TIAM1: variants seen among roughly 807,000 people sequenced by gnomAD.
The protein encoded by TIAM1 is rho guanine nucleotide exchange factor TIAM1.
In TIAM1, 65 loss-of-function variants were observed where a neutral mutation model predicts 163.5. The ratio of observed to expected loss-of-function variants is 0.40; its 90% CI spans 0.33 to 0.49. The LOEUF (loss-of-function observed/expected upper bound fraction) is 0.49, where lower values mean the gene tolerates loss of function less well. TIAM1 is among the 20% of genes least tolerant of loss of function. The pLI is 0.77. For synonymous variants in TIAM1, 833 were observed against 810.1 expected, an observed-to-expected ratio of 1.03 and a Z score of -0.48; for missense variants, 1,789 against 2,044.7, an observed-to-expected ratio of 0.87 and a Z score of 2.41.
At chr21:31,351,746 G>C (rs975256021) in intron 2 of TIAM1, among the ~76,000 whole-genome samples, 18 of 152,136 alleles carry the variant, frequency 1.2e-4, no homozygotes, top group African/African-American at 4.3e-4. Flanking sequence ...AGTTAGGAAA[G>C]CTCTACCCCT....
chr21:31,543,046 G>A (rs2048369734), intron 1 of TIAM1, among the ~76,000 whole-genome samples: 1 of 152,156 alleles, frequency 6.6e-6, no homozygotes, highest in Non-Finnish European at 1.5e-5. Flanking sequence ...TCGGTGCGAT[G>A]TTTTTCTTGG....
In TIAM1 at chr21:31,154,294, G is replaced by A. The variant is rs747060840; in HGVS notation, c.3124C>T (p.Arg1042Cys). Residue 1042 changes from arginine to cysteine, a missense_variant, in exon 17 of 28, where the codon CGC becomes TGC. Physicochemically the swap from Arg to Cys is radical, Grantham distance 180 (BLOSUM62 -3). Coordinates refer to ENST00000541036, the MANE Select transcript of TIAM1 (RefSeq NM_001353694.2). The part of the protein sequence containing the change: ...MRQLSDADKL[R>C]KVICELLETE... Reference sequence around the variant, plus strand: ...TCCAGGAGCTCGCAGATCACCTTGCGCAGCTTATCTGCATCCGAGAGTTGT... The same window carrying A: ...TCCAGGAGCTCGCAGATCACCTTGCACAGCTTATCTGCATCCGAGAGTTGT... 1.1e-5 allele frequency: 17 copies of A among 1,613,962 alleles called. No homozygotes were observed. Among genetic ancestry groups the A allele is most frequent in the African/African-American group, 1.3e-5 (1 of 74,890 alleles).
At chr21:31,351,933 T>C (rs766859688) in intron 2 of TIAM1, among the ~76,000 whole-genome samples, 3 of 151,890 alleles carry the variant, frequency 2.0e-5, no homozygotes, top group Non-Finnish European at 2.9e-5. Flanking sequence ...CCGGGTGTGG[T>C]GGTGTGTGCC....
chr21:31,510,100 A>C (rs2047164655), intron 1 of TIAM1, among the ~76,000 whole-genome samples: 1 of 152,224 alleles, frequency 6.6e-6, no homozygotes, highest in Non-Finnish European at 1.5e-5. Context: ...CCGTAAATGT[A>C]ACTGCATCAG....
At chr21:31,437,802 C>T (rs1195763601) in intron 2 of TIAM1, among the ~76,000 whole-genome samples, 1 of 152,196 alleles carries the variant, frequency 6.6e-6, no homozygotes, top group Non-Finnish European at 1.5e-5. Context: ...GATCCCCCAG[C>T]CATGCTTCCA....
chr21:31,126,003 T>C (rs2082183970), intron 26 of TIAM1, among the ~76,000 whole-genome samples: 1 of 152,182 alleles, frequency 6.6e-6, no homozygotes, highest in African/African-American at 2.4e-5. Context: ...CCATTAAAAG[T>C]AATGGCACTT....
chr21:31,324,078 G>A lies in TIAM1; in HGVS notation c.-189+15165C>T, dbSNP rs146821941. Among the ~76,000 whole-genome samples the A allele has an allele frequency of 7.0e-3, 1,067 of 152,080 alleles. 7 individuals carry two copies. Among genetic ancestry groups the A allele is most frequent in the Middle Eastern group, 0.02 (6 of 294 alleles). On this transcript the variant is annotated intron_variant, in intron 2 of 27. Transcript: ENST00000541036. The stretch of plus-strand genomic sequence containing the variant: ...AGGGAAGAATTGGTGGAGCACAGAG[G>A]ATTTTAGGGCAGTGAAACTATTCTG...
At chr21:31,370,166 C>A (rs1168944463) in intron 2 of TIAM1, among the ~76,000 whole-genome samples, 1 of 152,104 alleles carries the variant, frequency 6.6e-6, no homozygotes, top group Non-Finnish European at 1.5e-5. Flanking sequence ...ATCTAAGTTA[C>A]CCAGATTAGG....
At chr21:31,192,269 A>C (rs2833329) in intron 13 of TIAM1, among the ~76,000 whole-genome samples, 12,258 of 152,224 alleles carry the variant, frequency 0.081, 667 homozygotes, top group Admixed American at 0.19. Context: ...TGCAGAAGGA[A>C]TGTAATATCC....
At chr21:31,211,126 A>C (rs1601568042) in intron 10 of TIAM1, among the ~76,000 whole-genome samples, 1 of 152,198 alleles carries the variant, frequency 6.6e-6, no homozygotes, top group Non-Finnish European at 1.5e-5. Flanking sequence ...AGCAAAAACA[A>C]GCCTCCTTTG....
chr21:31,161,431 T>A (rs1489605415), intron 16 of TIAM1, among the ~76,000 whole-genome samples: 1 of 152,116 alleles, frequency 6.6e-6, no homozygotes, highest in Non-Finnish European at 1.5e-5. Flanking sequence ...TGCTAGACTG[T>A]CCCTGCAGTG....
At chr21:31,229,701 G>C (rs1244214037) in intron 6 of TIAM1, among the ~76,000 whole-genome samples, 2 of 151,822 alleles carry the variant, frequency 1.3e-5, no homozygotes, top group African/African-American at 4.8e-5. Context: ...CCAGGCTGGA[G>C]TGCAGTAGCA....
intron 4 of TIAM1, among the ~76,000 whole-genome samples, chr21:31,265,012 T>C (rs945172701): frequency 3.3e-5 from 5 of 152,126 alleles, no homozygotes; most frequent in Non-Finnish European, 5.9e-5. Context: ...ATTTCTTTCT[T>C]TCTTTCTTTT....
intron 2 of TIAM1, among the ~76,000 whole-genome samples, chr21:31,455,566 T>C (rs573542926): frequency 1.3e-5 from 2 of 152,126 alleles, no homozygotes; most frequent in South Asian, 2.1e-4. Flanking sequence ...GCACCTGCCA[T>C]GACGCCCAGC....
Position 31,354,283 on chromosome 21 carries a change from T to C in TIAM1, c.-368-14861A>G, listed in dbSNP as rs1391224362. On this transcript the variant is annotated intron_variant, in intron 2 of 28. Transcript: ENST00000286827. ...GGACAAATGTGGCAGGCAAGCAACA[T>C]ATTTTAGGGTTTGTCATGAAGCTCC... is the stretch of plus-strand genomic sequence containing the variant. 2.6e-5 allele frequency among the ~76,000 whole-genome samples: 4 copies of C among 152,044 alleles called. No homozygotes were observed. The East Asian group carries it at 7.7e-4, about 29-fold the overall frequency.
chr21:31,528,288 G>A (rs894370468), intron 1 of TIAM1, among the ~76,000 whole-genome samples: 4 of 152,066 alleles, frequency 2.6e-5, no homozygotes, highest in Admixed American at 2.0e-4. Context: ...GCCAAGGCAG[G>A]AAGATTGCTT....
At chr21:31,282,323 T>A (rs868394754) in intron 2 of TIAM1, among the ~76,000 whole-genome samples, 20 of 152,330 alleles carry the variant, frequency 1.3e-4, no homozygotes, top group Middle Eastern at 6.8e-3. Flanking sequence ...ATGTTTCTTG[T>A]CTTGAAAATT....
chr21:31,341,119 G>GT (rs2076004495), intron 1 of TIAM1, among the ~76,000 whole-genome samples: 2 of 152,116 alleles, frequency 1.3e-5, no homozygotes, highest in Admixed American at 6.6e-5. Flanking sequence ...AATACTAATC[G>GT]TTACACTGAA....
At chr21:31,241,786 T>C (rs1019541617) in intron 6 of TIAM1, among the ~76,000 whole-genome samples, 1 of 152,202 alleles carries the variant, frequency 6.6e-6, no homozygotes, top group African/African-American at 2.4e-5. Context: ...ATGGGAAGAC[T>C]GCTTGAAGCC....
Sources: gnomAD v4.1 joint callset for allele counts (sites outside exome capture counted in the v4.1 genomes callset) on GRCh38, gnomAD v4.1.1 for gene constraint, MANE v1.5 for transcripts, NCBI Gene and HGNC (gene_info 2026-07-23, HGNC 2026-07-21) for gene names.